DAB1: variants seen among roughly 807,000 people sequenced by gnomAD.
The protein encoded by DAB1 is DAB adaptor protein 1.
A neutral mutation model predicts 64.6 loss-of-function variants in DAB1; 15 were observed. The ratio of observed to expected loss-of-function variants is 0.23; its 90% CI spans 0.16 to 0.36. The LOEUF (loss-of-function observed/expected upper bound fraction) is 0.36, where lower values mean the gene tolerates loss of function less well. Among genes scored for constraint, DAB1 ranks in the 10% least tolerant of loss-of-function variants. The pLI, the probability that DAB1 is intolerant of heterozygous loss-of-function variation, is 1.00. For synonymous variants in DAB1, 235 were observed against 251.9 expected (o/e 0.93, Z 0.64); for missense variants, 596 against 706.7 (o/e 0.84, Z 1.78).
chr1:58,446,364 A>G (rs939789270), intron 3 of DAB1, among the ~76,000 whole-genome samples: 2 of 152,244 alleles, frequency 1.3e-5, no homozygotes, highest in Admixed American at 6.5e-5. Flanking sequence ...CCTTGCTCAC[A>G]TCAGCATTTC....
At chr1:57,674,008 T>C (rs563578135) in intron 6 of DAB1, among the ~76,000 whole-genome samples, 26 of 152,282 alleles carry the variant, frequency 1.7e-4, no homozygotes, top group African/African-American at 6.0e-4. Flanking sequence ...GTTTCAGACA[T>C]TTACCATTAG....
At chr1:57,136,982 T>C (rs1658182379) in intron 3 of DAB1, among the ~76,000 whole-genome samples, 1 of 152,190 alleles carries the variant, frequency 6.6e-6, no homozygotes, top group Admixed American at 6.6e-5. Flanking sequence ...TTCTGGGTTT[T>C]ATATTAGATA....
intron 4 of DAB1, among the ~76,000 whole-genome samples, chr1:58,281,530 C>A (rs1429828073): frequency 6.6e-6 from 1 of 152,034 alleles, no homozygotes; most frequent in African/African-American, 2.4e-5. Context: ...TGCCTCCACT[C>A]CCCCTCCCTC....
intron 6 of DAB1, among the ~76,000 whole-genome samples, chr1:57,765,300 G>C (rs2101823133): frequency 6.6e-6 from 1 of 152,260 alleles, no homozygotes; most frequent in African/African-American, 2.4e-5. Flanking sequence ...CTTAGGCAGA[G>C]GACCAGAATA....
At position 57,015,250 on chromosome 1, in the gene DAB1, C is replaced by T. The variant is rs868524328; in HGVS notation, c.1077G>A (p.Gly359=). The part of the protein sequence containing the change: ...ATQQPWPTVA[G]QFPPAAFMPT... ...GCATGAAGGCGGCTGGCGGAAACTG[C>T]CCGGCCACAGTTGGCCAGGGCTGCT... The change falls in exon 12 of 15, where the codon GGG becomes GGA. Residue 359 remains glycine (G), a synonymous_variant. Coordinates refer to ENST00000371236, the MANE Select transcript of DAB1 (RefSeq NM_001365792.1). 1 of 1,614,046 alleles carries T rather than the reference C, an allele frequency of 6.2e-7. No individual in the cohort carries two copies. Among genetic ancestry groups the T allele is most frequent in the Non-Finnish European group, 8.5e-7 (1 of 1,180,000 alleles).
intron 9 of DAB1, among the ~76,000 whole-genome samples, chr1:57,054,626 C>T (rs34735830): frequency 6.6e-6 from 1 of 151,726 alleles, no homozygotes; most frequent in South Asian, 2.1e-4. Flanking sequence ...TGCAGGTACC[C>T]GCCACCACGC....
At chr1:58,043,354 G>A (rs896572487) in intron 5 of DAB1, among the ~76,000 whole-genome samples, 2 of 152,070 alleles carry the variant, frequency 1.3e-5, no homozygotes, top group Non-Finnish European at 2.9e-5. Flanking sequence ...AAACAATTTG[G>A]ATAATATATT....
At chr1:57,895,382 G>T (rs904508937) in intron 5 of DAB1, among the ~76,000 whole-genome samples, 1 of 152,170 alleles carries the variant, frequency 6.6e-6, no homozygotes, top group Non-Finnish European at 1.5e-5. Context: ...TGGAATTAAG[G>T]CTTGAAATCA....
At chr1:58,050,614 C>A (rs1323036071) in intron 5 of DAB1, among the ~76,000 whole-genome samples, 1 of 152,144 alleles carries the variant, frequency 6.6e-6, no homozygotes, top group African/African-American at 2.4e-5. Context: ...ACTGCAAGCT[C>A]CACCTCCTGG....
At chr1:58,162,948 C>T (rs1655620396) in intron 4 of DAB1, among the ~76,000 whole-genome samples, 1 of 152,178 alleles carries the variant, frequency 6.6e-6, no homozygotes, top group South Asian at 2.1e-4. Context: ...ATTGTCACAA[C>T]TGAGGGATTG....
chr1:58,388,156 G>A (rs1183855048), intron 3 of DAB1, among the ~76,000 whole-genome samples: 1 of 152,190 alleles, frequency 6.6e-6, no homozygotes, highest in Non-Finnish European at 1.5e-5. Context: ...GGAGGAGAGG[G>A]AAGATTAGAG....
intron 4 of DAB1, among the ~76,000 whole-genome samples, chr1:57,105,395 G>T (rs1272406665): frequency 6.6e-6 from 1 of 152,042 alleles, no homozygotes; most frequent in Non-Finnish European, 1.5e-5. Flanking sequence ...GTGTGTGTGT[G>T]TGTCTGTGTG....
At chr1:57,920,968 C>T (rs1184431212) in intron 5 of DAB1, among the ~76,000 whole-genome samples, 3 of 152,044 alleles carry the variant, frequency 2.0e-5, no homozygotes, top group African/African-American at 7.3e-5. Context: ...TCTACTTCCA[C>T]GTGTGTATAA....
intron 4 of DAB1, among the ~76,000 whole-genome samples, chr1:58,234,979 G>A (rs1204393296): frequency 6.6e-6 from 1 of 152,208 alleles, no homozygotes; most frequent in Non-Finnish European, 1.5e-5. Context: ...TCTCAGACAT[G>A]AATAACAGTG....
chr1:58,236,830 G>A (rs1190094049), intron 4 of DAB1, among the ~76,000 whole-genome samples: 1 of 152,168 alleles, frequency 6.6e-6, no homozygotes, highest in Non-Finnish European at 1.5e-5. Flanking sequence ...CATTAACACA[G>A]CAAATCCAAA....
intron 4 of DAB1, among the ~76,000 whole-genome samples, chr1:58,255,865 T>C (rs1354166915): frequency 1.3e-5 from 2 of 152,216 alleles, no homozygotes; most frequent in Non-Finnish European, 2.9e-5. Flanking sequence ...ACAATAAGCC[T>C]GTGAGGTAAG....
chr1:57,819,071 G>A (rs773706031), intron 6 of DAB1, among the ~76,000 whole-genome samples: 1 of 152,104 alleles, frequency 6.6e-6, no homozygotes, highest in Non-Finnish European at 1.5e-5. Context: ...GCCTAGCATA[G>A]TGCTATATAC....
chr1:58,055,698 T>C (rs1648012479), intron 5 of DAB1, among the ~76,000 whole-genome samples: 1 of 152,162 alleles, frequency 6.6e-6, no homozygotes, highest in South Asian at 2.1e-4. Context: ...CTATAGGGAA[T>C]GAGGGTGAGC....
intron 5 of DAB1, among the ~76,000 whole-genome samples, chr1:58,067,189 T>C (rs1648906581): frequency 6.6e-6 from 1 of 152,236 alleles, no homozygotes; most frequent in South Asian, 2.1e-4. Flanking sequence ...AAATCACAAA[T>C]TAAATCAACA....
Sources: gnomAD v4.1 joint callset for allele counts (sites outside exome capture counted in the v4.1 genomes callset) on GRCh38, gnomAD v4.1.1 for gene constraint, MANE v1.5 for transcripts, NCBI Gene and HGNC (gene_info 2026-07-23, HGNC 2026-07-21) for gene names.